The following CTNNA2 variants were observed in gnomAD, a reference collection of about 807,000 sequenced individuals.
CTNNA2 encodes catenin alpha 2.
A neutral mutation model predicts 101.0 loss-of-function variants in CTNNA2; 42 were observed. That is an observed-to-expected ratio of 0.42 (90% CI 0.32 to 0.54). The LOEUF (loss-of-function observed/expected upper bound fraction) is 0.54. CTNNA2 is among the 20% of genes least tolerant of loss of function. CTNNA2 has a pLI of 0.14. For missense variants in CTNNA2, 871 were observed against 1,223.1 expected (o/e 0.71, Z 4.29); for synonymous variants, 450 against 456.4 (o/e 0.99, Z 0.18).
chr2:80,328,308 C>A (rs762162000), intron 7 of CTNNA2: 16 of 471,004 alleles, frequency 3.4e-5, no homozygotes, highest in Non-Finnish European at 6.6e-5. Context: ...AATGAGGAAG[C>A]TGCATTGGAA....
intron 7 of CTNNA2, among the ~76,000 whole-genome samples, chr2:80,046,092 A>C (rs890614047): frequency 6.6e-6 from 1 of 152,172 alleles, no homozygotes; most frequent in Non-Finnish European, 1.5e-5. Flanking sequence ...TTTCCTCTGC[A>C]TTCTTATTTC....
At chr2:80,336,402 G>A (rs541959252) in intron 7 of CTNNA2, among the ~76,000 whole-genome samples, 82 of 152,132 alleles carry the variant, frequency 5.4e-4, no homozygotes, top group Middle Eastern at 3.4e-3. Context: ...ATAGCAACCC[G>A]CCCCCTCAAT....
chr2:79,873,558 C>G (rs936950036), intron 5 of CTNNA2, among the ~76,000 whole-genome samples: 2 of 152,004 alleles, frequency 1.3e-5, no homozygotes, highest in African/African-American at 4.8e-5. Flanking sequence ...GGAGCCCTGT[C>G]AGGTGAAAGG....
intron 8 of CTNNA2, among the ~76,000 whole-genome samples, chr2:80,394,327 C>T (rs1217635090): frequency 2.0e-5 from 3 of 152,204 alleles, no homozygotes; most frequent in African/African-American, 7.2e-5. Flanking sequence ...TGGGGAGCTT[C>T]TTGGCTTTTA....
chr2:80,544,750 AAC>A (rs1165085604), intron 9 of CTNNA2, among the ~76,000 whole-genome samples: 2 of 152,190 alleles, frequency 1.3e-5, no homozygotes, highest in African/African-American at 4.8e-5. Context: ...ACCCTGTTAA[AAC>A]ACAACCTTGT....
At chr2:80,555,185 A>T (rs1280528539) in intron 11 of CTNNA2, among the ~76,000 whole-genome samples, 2 of 152,162 alleles carry the variant, frequency 1.3e-5, no homozygotes, top group African/African-American at 4.8e-5. Context: ...ATGTTTTCGT[A>T]ATGAAAACAT....
intron 2 of CTNNA2, among the ~76,000 whole-genome samples, chr2:79,240,133 C>T (rs1357544398): frequency 6.6e-6 from 1 of 151,798 alleles, no homozygotes; most frequent in Admixed American, 6.6e-5. Context: ...GTCTCGAACT[C>T]CCAGCCTCAA....
intron 7 of CTNNA2, among the ~76,000 whole-genome samples, chr2:80,213,062 C>G (rs949534655): frequency 6.6e-6 from 1 of 151,686 alleles, no homozygotes; most frequent in Admixed American, 6.6e-5. Context: ...TGGTGATATC[C>G]CCTTTATCAT....
intron 3 of CTNNA2, among the ~76,000 whole-genome samples, chr2:79,836,598 C>T (rs1348514451): frequency 2.0e-5 from 3 of 152,172 alleles, no homozygotes; most frequent in Non-Finnish European, 4.4e-5. Context: ...GGCAAGGCCA[C>T]ACTTCCTTTG....
At chr2:79,780,090 A>G (rs1674311084) in intron 3 of CTNNA2, among the ~76,000 whole-genome samples, 1 of 152,282 alleles carries the variant, frequency 6.6e-6, no homozygotes, top group South Asian at 2.1e-4. Flanking sequence ...TCTATTGGTA[A>G]TAACTCTTTC....
intron 7 of CTNNA2, among the ~76,000 whole-genome samples, chr2:80,382,966 T>A (rs899353710): frequency 1.3e-5 from 2 of 152,242 alleles, no homozygotes; most frequent in East Asian, 3.8e-4. Flanking sequence ...GAATTTGCAC[T>A]TTTGCCTTAA....
chr2:79,411,815 G>T (rs1285688847), intron 4 of CTNNA2, among the ~76,000 whole-genome samples: 1 of 152,026 alleles, frequency 6.6e-6, no homozygotes, highest in South Asian at 2.1e-4. Context: ...AGACTATCAA[G>T]ACTAGGAAGA....
intron 8 of CTNNA2, among the ~76,000 whole-genome samples, chr2:80,408,187 G>A (rs1679238342): frequency 6.6e-6 from 1 of 152,102 alleles, no homozygotes; most frequent in African/African-American, 2.4e-5. Flanking sequence ...CTCCCCAGGT[G>A]CTTATATTTA....
chr2:80,569,778 G>A (rs960483754), intron 12 of CTNNA2, among the ~76,000 whole-genome samples: 10 of 150,752 alleles, frequency 6.6e-5, no homozygotes, highest in Non-Finnish European at 1.5e-4. Flanking sequence ...AAGTAGCTGG[G>A]ACTACAGGCA....
chr2:79,337,255 A>G (rs1677015869), intron 3 of CTNNA2, among the ~76,000 whole-genome samples: 1 of 152,228 alleles, frequency 6.6e-6, no homozygotes. Flanking sequence ...AAATGGGTAC[A>G]AGTATCTCAA....
At chr2:79,518,332 A>G (rs1671916130) in intron 1 of CTNNA2, among the ~76,000 whole-genome samples, 1 of 152,198 alleles carries the variant, frequency 6.6e-6, no homozygotes, top group Admixed American at 6.5e-5. Flanking sequence ...TCTACATTAA[A>G]TGAGTGGACA....
intron 7 of CTNNA2, among the ~76,000 whole-genome samples, chr2:79,998,899 G>T (rs1480610838): frequency 6.6e-6 from 1 of 152,020 alleles, no homozygotes; most frequent in Non-Finnish European, 1.5e-5. Context: ...TTTAAAAACT[G>T]CCTTTAAAAC....
At chr2:79,348,438 C>A (rs1165348462) in intron 3 of CTNNA2, among the ~76,000 whole-genome samples, 1 of 152,188 alleles carries the variant, frequency 6.6e-6, no homozygotes, top group South Asian at 2.1e-4. Flanking sequence ...TATCACAGAA[C>A]TTTCCTAGAA....
chr2:80,509,198 G>A (rs1484149174), intron 9 of CTNNA2, among the ~76,000 whole-genome samples: 1 of 152,190 alleles, frequency 6.6e-6, no homozygotes, highest in Non-Finnish European at 1.5e-5. Context: ...AGTGTGTGGT[G>A]AAGTTCTTTA....
Sources: allele counts gnomAD v4.1 joint callset (sites outside exome capture counted in the v4.1 genomes callset), GRCh38; gene constraint gnomAD v4.1.1; transcripts MANE v1.5; gene names NCBI Gene and HGNC (gene_info 2026-07-23, HGNC 2026-07-21).